SCHIP1: variants seen among roughly 807,000 people sequenced by gnomAD.
The protein encoded by SCHIP1 is schwannomin-interacting protein 1.
In SCHIP1, 8 loss-of-function variants were observed where a neutral mutation model predicts 29.7. The observed-to-expected ratio is 0.27, with a 90% confidence interval of 0.16 to 0.49. SCHIP1 has a LOEUF of 0.49. SCHIP1 is among the 20% of genes least tolerant of loss of function. The pLI, the probability that SCHIP1 is intolerant of heterozygous loss-of-function variation, is 0.99. For missense variants in SCHIP1, 193 were observed against 294.6 expected (o/e 0.66, Z 2.52); for synonymous variants, 76 against 94.9 (o/e 0.80, Z 1.16).
At chr3:159,533,276 C>T in the SCHIP1 span, among the ~76,000 whole-genome samples, 2 of 152,034 alleles carry the variant, frequency 1.3e-5, no homozygotes, top group African/African-American at 2.4e-5. Context: ...GCACAGCAGG[C>T]GTGCAATCTC....
At chr3:159,796,474 T>C in the SCHIP1 span, among the ~76,000 whole-genome samples, 2 of 152,140 alleles carry the variant, frequency 1.3e-5, no homozygotes, top group Non-Finnish European at 2.9e-5. Flanking sequence ...GGAGTGATCA[T>C]GCACCCAGCC....
At chr3:159,460,566 T>C in the SCHIP1 span, among the ~76,000 whole-genome samples, 1 of 152,196 alleles carries the variant, frequency 6.6e-6, no homozygotes, top group African/African-American at 2.4e-5. Flanking sequence ...AAGAGTCTGT[T>C]GTATCTGGTA....
At chr3:159,461,014 G>A in the SCHIP1 span, among the ~76,000 whole-genome samples, 4 of 152,196 alleles carry the variant, frequency 2.6e-5, no homozygotes, top group African/African-American at 7.2e-5. Flanking sequence ...CAGGAAGTTC[G>A]TGGAACTTGA....
the SCHIP1 span, among the ~76,000 whole-genome samples, chr3:159,710,713 G>A: frequency 6.6e-6 from 1 of 151,826 alleles, no homozygotes; most frequent in South Asian, 2.1e-4. Flanking sequence ...AACTCAAAAT[G>A]GGTTAAAGTC....
the SCHIP1 span, among the ~76,000 whole-genome samples, chr3:159,697,400 G>T: frequency 9.9e-5 from 15 of 152,192 alleles, no homozygotes; most frequent in African/African-American, 3.6e-4. Context: ...ATAGAGGCAG[G>T]TCTGGAAATT....
the SCHIP1 span, among the ~76,000 whole-genome samples, chr3:159,675,182 A>G: frequency 6.6e-6 from 1 of 152,226 alleles, no homozygotes; most frequent in African/African-American, 2.4e-5. Context: ...TTGACATGCC[A>G]GTGAATCTCC....
At chr3:159,573,938 G>A in the SCHIP1 span, among the ~76,000 whole-genome samples, 2 of 152,064 alleles carry the variant, frequency 1.3e-5, no homozygotes, top group African/African-American at 2.4e-5. Flanking sequence ...CAAAGTTCTC[G>A]TGCCATGGTT....
At chr3:159,541,556 G>A in the SCHIP1 span, among the ~76,000 whole-genome samples, 62 of 152,016 alleles carry the variant, frequency 4.1e-4, no homozygotes, top group East Asian at 0.012. Flanking sequence ...ATAGATTTAT[G>A]GATATCTTTC....
the SCHIP1 span, among the ~76,000 whole-genome samples, chr3:159,461,979 G>T: frequency 6.6e-6 from 1 of 152,124 alleles, no homozygotes; most frequent in Non-Finnish European, 1.5e-5. Flanking sequence ...AAAGGCCGAG[G>T]TGGGCGGATC....
the SCHIP1 span, among the ~76,000 whole-genome samples, chr3:159,582,264 C>T: frequency 3.0e-4 from 46 of 152,084 alleles, no homozygotes; most frequent in African/African-American, 8.7e-4. Context: ...TCAGTCTTCC[C>T]GGCTCAAGAA....
At chr3:159,687,264 A>G in the SCHIP1 span, among the ~76,000 whole-genome samples, 10 of 149,432 alleles carry the variant, frequency 6.7e-5, no homozygotes, top group East Asian at 1.6e-3. Context: ...TCACAATCCC[A>G]CTCCTCTCCC....
chr3:159,585,509 G>A, the SCHIP1 span, among the ~76,000 whole-genome samples: 1 of 152,110 alleles, frequency 6.6e-6, no homozygotes. Context: ...GAATGATGTT[G>A]GGCAGAAGTT....
chr3:159,732,325 TCC>T, the SCHIP1 span, among the ~76,000 whole-genome samples: 1 of 152,148 alleles, frequency 6.6e-6, no homozygotes, highest in Non-Finnish European at 1.5e-5. Flanking sequence ...AAGTGCCCTG[TCC>T]CTTTAAGGCC....
chr3:159,441,521 A>G, the SCHIP1 span, among the ~76,000 whole-genome samples: 1 of 152,026 alleles, frequency 6.6e-6, no homozygotes, highest in African/African-American at 2.4e-5. Flanking sequence ...AGAAGTAGAG[A>G]GCTGGGATTT....
the SCHIP1 span, among the ~76,000 whole-genome samples, chr3:159,522,186 C>G: frequency 6.6e-6 from 1 of 152,112 alleles, no homozygotes; most frequent in Admixed American, 6.6e-5. Flanking sequence ...AACAAAAATA[C>G]AGTCATGCAG....
At chr3:159,583,355 CAATTTATTAAATATT>C in the SCHIP1 span, among the ~76,000 whole-genome samples, 1 of 152,062 alleles carries the variant, frequency 6.6e-6, no homozygotes, top group Non-Finnish European at 1.5e-5. Context: ...CAAAGCAGTC[CAATTTATTAAATATT>C]GCTTTAACTA....
chr3:159,407,744 T>C, the SCHIP1 span, among the ~76,000 whole-genome samples: 1 of 152,190 alleles, frequency 6.6e-6, no homozygotes, highest in Non-Finnish European at 1.5e-5. Context: ...CTGGAAAGTA[T>C]ACAAACACAT....
the SCHIP1 span, among the ~76,000 whole-genome samples, chr3:159,669,403 G>A: frequency 6.6e-6 from 1 of 152,194 alleles, no homozygotes; most frequent in Non-Finnish European, 1.5e-5. Flanking sequence ...TACTATTCAC[G>A]TCACTATATA....
intron 1 of SCHIP1, among the ~76,000 whole-genome samples, chr3:159,843,301 G>A (rs1047935220): frequency 1.9e-4 from 29 of 151,140 alleles, no homozygotes; most frequent in Admixed American, 1.1e-3. Context: ...GCATGAGCGC[G>A]GCCTATCCCA....
Sources: allele counts gnomAD v4.1 joint callset (sites outside exome capture counted in the v4.1 genomes callset), GRCh38; gene constraint gnomAD v4.1.1; transcripts MANE v1.5; gene names NCBI Gene and HGNC (gene_info 2026-07-23, HGNC 2026-07-21).